Variants in KCNT2 observed in about 807,000 individuals in gnomAD.
The protein encoded by KCNT2 is potassium sodium-activated channel subfamily T member 2.
KCNT2 carries 67 observed loss-of-function variants against 153.8 expected under a neutral mutation model. The observed-to-expected ratio is 0.44, with a 90% CI of 0.36 to 0.53. KCNT2 has a LOEUF of 0.53. Among genes scored for constraint, KCNT2 ranks in the 20% least tolerant of loss-of-function variants. The probability of loss-of-function intolerance (pLI) is 0.00; values close to 1 mark genes in which losing one functional copy is unlikely to be tolerated. For missense variants in KCNT2, 975 were observed against 1,354.8 expected (o/e 0.72, Z 4.40); for synonymous variants, 500 against 458.8 (o/e 1.09, Z -1.15).
intron 27 of KCNT2, among the ~76,000 whole-genome samples, chr1:196,228,735 C>T (rs758267817): frequency 1.3e-5 from 2 of 151,878 alleles, no homozygotes; most frequent in Non-Finnish European, 2.9e-5. Flanking sequence ...ATGAAGGAGA[C>T]CTACATTTTA....
intron 1 of KCNT2, among the ~76,000 whole-genome samples, chr1:196,583,514 A>T (rs2148982355): frequency 6.6e-6 from 1 of 152,208 alleles, no homozygotes; most frequent in East Asian, 1.9e-4. Context: ...CATTTATTGA[A>T]GTTTAAACAA....
intron 27 of KCNT2, among the ~76,000 whole-genome samples, chr1:196,234,562 C>A (rs1053509398): frequency 6.6e-6 from 1 of 151,198 alleles, no homozygotes; most frequent in East Asian, 1.9e-4. Context: ...ATATTCACCC[C>A]AACCCTAACC....
At chr1:196,538,638 C>T (rs1655931281) in intron 1 of KCNT2, among the ~76,000 whole-genome samples, 1 of 152,108 alleles carries the variant, frequency 6.6e-6, no homozygotes, top group Non-Finnish European at 1.5e-5. Context: ...TAATGTGCCT[C>T]ATGTAGCATG....
At chr1:196,570,067 T>TAAAAAAAAAAAAAAAAAAAAAAAAA (rs199836975) in intron 1 of KCNT2, among the ~76,000 whole-genome samples, 2 of 133,702 alleles carry the variant, frequency 1.5e-5, no homozygotes, top group South Asian at 2.2e-4. Flanking sequence ...TGAGCTAGAG[T>TAAAAAAAAAAAAAAAAAAAAAAAAA]AAAAAAAAAA....
chr1:196,355,923 T>C (rs1029594581), intron 14 of KCNT2, among the ~76,000 whole-genome samples: 1 of 151,826 alleles, frequency 6.6e-6, no homozygotes, highest in Non-Finnish European at 1.5e-5. Flanking sequence ...GTGAATACCA[T>C]ATGCTTCGCT....
At chr1:196,285,626 T>G (rs1407546012) in intron 23 of KCNT2, 31 bp downstream of exon 23, 3 of 1,352,270 alleles carry the variant, frequency 2.2e-6, no homozygotes, top group African/African-American at 2.9e-5. Flanking sequence ...AAACAACCAT[T>G]TTAGAGAAAA....
rs146766738 is a variant in KCNT2 at position 196,256,835 on chromosome 1, C to T, written c.3211+1359G>A. ...GGCTGGGCAAAATAAGGCTGAGACC[C>T]GCTGGGCTGCATTCTCAGTTATAAT... On this transcript the variant is annotated intron_variant, in intron 26 of 27. Transcript: ENST00000294725. 1.3e-4 allele frequency among the ~76,000 whole-genome samples: 20 copies of T among 151,822 alleles called. 1 individual carries two copies. In the East Asian group the frequency reaches 3.1e-3, roughly 24 times the overall value.
intron 12 of KCNT2, among the ~76,000 whole-genome samples, chr1:196,422,209 C>T (rs1032534795): frequency 1.3e-5 from 2 of 152,004 alleles, no homozygotes; most frequent in African/African-American, 4.8e-5. Context: ...CCATTCAGGA[C>T]TTACAGTCCT....
chr1:196,481,161 TAA>T (rs930152968), intron 4 of KCNT2, among the ~76,000 whole-genome samples: 2 of 152,106 alleles, frequency 1.3e-5, no homozygotes, highest in Admixed American at 6.5e-5. Context: ...CCAGGCATAG[TAA>T]AAACTTGATT....
At chr1:196,536,142 A>T (rs998342196) in intron 1 of KCNT2, among the ~76,000 whole-genome samples, 2 of 152,192 alleles carry the variant, frequency 1.3e-5, no homozygotes, top group Non-Finnish European at 2.9e-5. Flanking sequence ...TGCTTTATAC[A>T]TTAAGTCAGG....
At position 196,608,434 on chromosome 1, in the gene KCNT2, G is replaced by C; in HGVS notation, c.-125C>G. On this transcript the variant is annotated 5_prime_UTR_variant, in exon 1 of 28. Transcript: ENST00000294725. ...TGTGGCCGAGAGAGGGATGGGAGAA[G>C]GGGAAGGGGACAGGGAGGGGGAGGG... is the stretch of plus-strand genomic sequence containing the variant. 2 of 737,460 alleles carry C rather than the reference G, an allele frequency of 2.7e-6. No homozygotes were observed. Among genetic ancestry groups the C allele is most frequent in the Middle Eastern group, 2.6e-4 (1 of 3,872 alleles). 45.7% of individuals were successfully genotyped at this position (737,460 alleles called of 1,614,324 possible). A position where few individuals can be genotyped will look rare whatever the true frequency, so the allele number is the denominator to read the frequency against.
At chr1:196,405,304 G>A (rs1023774446) in intron 12 of KCNT2, among the ~76,000 whole-genome samples, 1 of 151,352 alleles carries the variant, frequency 6.6e-6, no homozygotes, top group Non-Finnish European at 1.5e-5. Flanking sequence ...TAAAAATGCT[G>A]TAATAATAAA....
chr1:196,508,189 CAAAAAAAAA>C (rs10539910), intron 1 of KCNT2, among the ~76,000 whole-genome samples: 8 of 59,988 alleles, frequency 1.3e-4, no homozygotes, highest in African/African-American at 3.4e-4. Context: ...CCCTAAGTAG[CAAAAAAAAA>C]AAAAAAAAAA....
chr1:196,515,606 C>A (rs1681983223), intron 1 of KCNT2, among the ~76,000 whole-genome samples: 1 of 152,042 alleles, frequency 6.6e-6, no homozygotes, highest in South Asian at 2.1e-4. Context: ...CAATAGATTA[C>A]ATTTACCTCA....
intron 14 of KCNT2, among the ~76,000 whole-genome samples, chr1:196,366,161 A>ATT (rs1450165273): frequency 6.7e-6 from 1 of 149,304 alleles, no homozygotes; most frequent in Non-Finnish European, 1.5e-5. Context: ...TTATTTAATT[A>ATT]TTATTTTTTT....
At chr1:196,360,912 A>C (rs959988202) in intron 14 of KCNT2, among the ~76,000 whole-genome samples, 9 of 152,086 alleles carry the variant, frequency 5.9e-5, no homozygotes, top group African/African-American at 2.2e-4. Flanking sequence ...GAATAGTGCA[A>C]GGTGGGAGAG....
intron 1 of KCNT2, among the ~76,000 whole-genome samples, chr1:196,496,942 AT>A (rs1013322200): frequency 2.0e-5 from 3 of 152,132 alleles, no homozygotes; most frequent in African/African-American, 7.2e-5. Context: ...TCAGCAATAG[AT>A]TTTTTTTCTC....
intron 18 of KCNT2, among the ~76,000 whole-genome samples, chr1:196,330,924 T>C (rs1360785426): frequency 6.6e-6 from 1 of 151,986 alleles, no homozygotes; most frequent in Non-Finnish European, 1.5e-5. Context: ...TTTAACAACA[T>C]GACTAGCAGA....
At chr1:196,280,399 C>A (rs1041016458) in intron 25 of KCNT2, among the ~76,000 whole-genome samples, 3 of 152,142 alleles carry the variant, frequency 2.0e-5, no homozygotes, top group Non-Finnish European at 2.9e-5. Flanking sequence ...GAGTGGTCAC[C>A]AATCTAGAGA....
Sources: allele counts gnomAD v4.1 joint callset (sites outside exome capture counted in the v4.1 genomes callset), GRCh38; gene constraint gnomAD v4.1.1; transcripts MANE v1.5; gene names NCBI Gene and HGNC (gene_info 2026-07-23, HGNC 2026-07-21).